Variants in OSBPL5 observed in about 807,000 individuals in gnomAD.
OSBPL5 encodes the protein oxysterol binding protein like 5.
In OSBPL5, 71 loss-of-function variants were observed where a neutral mutation model predicts 111.2. That is an observed-to-expected ratio of 0.64 (90% CI 0.53 to 0.78). The LOEUF (loss-of-function observed/expected upper bound fraction) is 0.78, where lower values mean the gene tolerates loss of function less well. Among genes scored for constraint, OSBPL5 ranks in the 30% least tolerant of loss-of-function variants. The pLI is 0.00. For missense variants in OSBPL5, 1,210 were observed against 1,189.3 expected (o/e 1.02, Z -0.26); for synonymous variants, 549 against 513.9 (o/e 1.07, Z -0.93).
At chr11:3,096,944 G>GGGAAGATGGGAGA (rs1564824361) in intron 14 of OSBPL5, among the ~76,000 whole-genome samples, 3 of 150,172 alleles carry the variant, frequency 2.0e-5, no homozygotes, top group African/African-American at 2.5e-5. Flanking sequence ...AGGAAAGAGG[G>GGGAAGATGGGAGA]AGGAGATGGG....
chr11:3,156,096 G>A (rs1846750522), intron 1 of OSBPL5, among the ~76,000 whole-genome samples: 1 of 152,202 alleles, frequency 6.6e-6, no homozygotes, highest in South Asian at 2.1e-4. Flanking sequence ...TTCCCTCTGG[G>A]ACAAGGGGGA....
At chr11:3,163,839 T>C (rs1847035593) in intron 1 of OSBPL5, 1 of 152,152 alleles carries the variant, frequency 6.6e-6, no homozygotes, top group African/African-American at 2.4e-5. Context: ...GACAATAGGA[T>C]CTGCAGTTCT....
At chr11:3,091,730 A>G (rs1192754948) in intron 19 of OSBPL5, among the ~76,000 whole-genome samples, 1 of 152,170 alleles carries the variant, frequency 6.6e-6, no homozygotes, top group Non-Finnish European at 1.5e-5. Flanking sequence ...CATGCAGCCA[A>G]GGAGATACCG....
rs781199051 is a variant in OSBPL5, at chr11:3,113,305, C to A, written c.692-5360G>T. On this transcript the variant is annotated intron_variant, in intron 7 of 21. Coordinates refer to ENST00000263650, the MANE Select transcript of OSBPL5 (RefSeq NM_020896.4). The surrounding 1 kb of genome is among the most constrained non-coding windows in gnomAD (Gnocchi z 4.8). ...ATTTCATACTTATCCCTGCCAAATA[C>A]CATGAGGTGTCAAAATTTGGCATAG... Among the ~76,000 whole-genome samples the A allele has an allele frequency of 4.6e-5, 7 of 152,064 alleles. No homozygotes were observed. Among genetic ancestry groups the A allele is most frequent in the Non-Finnish European group, 8.8e-5 (6 of 68,038 alleles).
chr11:3,093,284 T>C, intron 17 of OSBPL5: 3 of 751,426 alleles, frequency 4.0e-6, no homozygotes, highest in South Asian at 3.8e-5. Context: ...TGTGCACCTG[T>C]TGGTCACTCG....
intron 3 of OSBPL5, among the ~76,000 whole-genome samples, chr11:3,125,698 G>C (rs532560147): frequency 1.3e-4 from 20 of 152,134 alleles, no homozygotes; most frequent in African/African-American, 4.8e-4. Flanking sequence ...CCAGCTACTC[G>C]GGAGGCTGAG....
chr11:3,117,557 A>T (rs536457476), intron 7 of OSBPL5, among the ~76,000 whole-genome samples: 1 of 152,242 alleles, frequency 6.6e-6, no homozygotes, highest in Non-Finnish European at 1.5e-5. Context: ...CAGTCCTACC[A>T]TAATTTGTCC....
Position 3,126,649 on chromosome 11 carries a change from G to A in OSBPL5, c.137-94C>T. 2 of 1,103,872 alleles carry A rather than the reference G, an allele frequency of 1.8e-6. No individual in the cohort carries two copies. The highest frequency in any genetic ancestry group is 2.6e-6 in the Non-Finnish European group (2 of 779,424). 68.4% of individuals were successfully genotyped at this position (1,103,872 alleles called of 1,614,324 possible). A position where few individuals can be genotyped will look rare whatever the true frequency, so the allele number is the denominator to read the frequency against. On this transcript the variant is annotated intron_variant, in intron 2 of 21. Coordinates refer to ENST00000263650, the MANE Select transcript of OSBPL5 (RefSeq NM_020896.4). This position sits in a 1 kb window ranked among gnomAD's most constrained non-coding sequence, Gnocchi z 6.5. ...GGTGTGAGGCAGGCGAAGCGTGGGT[G>A]CGGATGACCTGGGAGGGGCAGGAAG...
intron 2 of OSBPL5, among the ~76,000 whole-genome samples, chr11:3,127,770 T>C (rs117151681): frequency 3.3e-5 from 5 of 152,072 alleles, no homozygotes; most frequent in Admixed American, 6.5e-5. Context: ...CTCAAAGGGA[T>C]AGGGTGCAGG....
At chr11:3,151,729 G>A (rs1366659977) in intron 1 of OSBPL5, among the ~76,000 whole-genome samples, 1 of 152,266 alleles carries the variant, frequency 6.6e-6, no homozygotes, top group Non-Finnish European at 1.5e-5. Context: ...AATGGTCCAT[G>A]ACTCGGCAGA....
intron 1 of OSBPL5, among the ~76,000 whole-genome samples, chr11:3,152,886 G>A (rs745975595): frequency 6.6e-6 from 1 of 152,120 alleles, no homozygotes; most frequent in African/African-American, 2.4e-5. Flanking sequence ...TTCATGCCTC[G>A]CTGGTACTTC....
In OSBPL5 at chr11:3,104,192, C is replaced by T; in HGVS notation, c.1244+1G>A. ...GGTGCCCCTCCCGGCATGGCGCGCACCTGGAGAGCAGGTCTGCGTGGTAGT... is the reference window on the plus strand; with the variant it reads ...GGTGCCCCTCCCGGCATGGCGCGCATCTGGAGAGCAGGTCTGCGTGGTAGT... On this transcript the variant is annotated splice_donor_variant, in intron 10 of 21. Transcript: ENST00000263650. LOFTEE classifies it high-confidence loss of function. This position sits in a 1 kb window ranked among gnomAD's most constrained non-coding sequence, Gnocchi z 5.0. 6.2e-7 allele frequency: 1 copy of T among 1,603,054 alleles called. No homozygotes were observed. The highest frequency in any genetic ancestry group is 8.5e-7 in the Non-Finnish European group (1 of 1,171,638).
rs371734500 is a variant in OSBPL5 at position 3,089,889 on chromosome 11, C to A, written c.2458G>T (p.Glu820Ter). Residue 820 changes from glutamate (E) to a stop codon, truncating the protein, a stop_gained, in exon 21 of 22, where the codon GAG becomes TAG. Coordinates refer to ENST00000263650, the MANE Select transcript of OSBPL5 (RefSeq NM_020896.4). LOFTEE classifies it high-confidence loss of function. ...KEARRLQALHEAILSIREAQQ... is the reference protein window; with the variant it reads ...KEARRLQALH The stretch of plus-strand genomic sequence containing the variant: ...GCCTCTCGGATGGAGAGGATGGCCT[C>A]GTGCAGGGCCTGCAGCCGCCGCGCC... 3 of 1,565,816 alleles carry A rather than the reference C, an allele frequency of 1.9e-6. No homozygotes were observed. Among genetic ancestry groups the A allele is most frequent in the Non-Finnish European group, 2.6e-6 (3 of 1,155,920 alleles).
At chr11:3,135,708 T>C (rs954951382) in intron 1 of OSBPL5, among the ~76,000 whole-genome samples, 12 of 152,206 alleles carry the variant, frequency 7.9e-5, no homozygotes, top group Admixed American at 7.9e-4. Flanking sequence ...CACCGCCCCG[T>C]GGTGGCAGCG....
chr11:3,112,379 T>C (rs1457421731), intron 7 of OSBPL5, among the ~76,000 whole-genome samples: 1 of 152,158 alleles, frequency 6.6e-6, no homozygotes, highest in Non-Finnish European at 1.5e-5. Context: ...GAGAAACTTG[T>C]TTTTTCTTAT....
intron 1 of OSBPL5, among the ~76,000 whole-genome samples, chr11:3,133,886 C>A (rs1845879452): frequency 6.6e-6 from 1 of 152,202 alleles, no homozygotes; most frequent in Non-Finnish European, 1.5e-5. Flanking sequence ...GGGGCCCCAG[C>A]CCCGAGACCC....
In OSBPL5 at chr11:3,141,794, G is replaced by A. The variant is rs1254753819; in HGVS notation, c.-21-12625C>T. 7.9e-5 allele frequency among the ~76,000 whole-genome samples: 11 copies of A among 138,634 alleles called. No individual in the cohort carries two copies. Among genetic ancestry groups the A allele is most frequent in the East Asian group, 2.1e-4 (1 of 4,724 alleles). The allele number at this position is 138,634 out of a possible 152,430, so 90.9% of individuals were successfully genotyped here. ...CAGTAGGAACACCCACCCCCCACCCGCCTCCCACCCAGTGCAGGGACTGGG... is the reference window on the plus strand; with the variant it reads ...CAGTAGGAACACCCACCCCCCACCCACCTCCCACCCAGTGCAGGGACTGGG... On this transcript the variant is annotated intron_variant, in intron 1 of 21. Coordinates refer to ENST00000263650, the MANE Select transcript of OSBPL5 (RefSeq NM_020896.4). This position sits in a 1 kb window ranked among gnomAD's most constrained non-coding sequence, Gnocchi z 6.5.
rs1336113016 is a variant in OSBPL5 at position 3,139,657 on chromosome 11, T to C, written c.-21-10488A>G. On this transcript the variant is annotated intron_variant, in intron 1 of 21. Transcript: ENST00000263650. Reference sequence around the variant, plus strand: ...CCCGCCCCAGGGAGGCCTTGCTGCCTTGCTCTATGGGGAGGAGTCACTTCC... The same window carrying C: ...CCCGCCCCAGGGAGGCCTTGCTGCCCTGCTCTATGGGGAGGAGTCACTTCC... Among the ~76,000 whole-genome samples the C allele has an allele frequency of 2.0e-5, 3 of 151,872 alleles. 1 individual carries two copies. Among genetic ancestry groups the C allele is most frequent in the South Asian group, 4.1e-4 (2 of 4,826 alleles).
In OSBPL5 at chr11:3,150,300, GC is replaced by G. The variant is rs149037530; in HGVS notation, c.-22+14915del. Among the ~76,000 whole-genome samples, 604 of 152,158 alleles carry G rather than the reference GC, an allele frequency of 4.0e-3. 6 individuals are homozygous for G. Among genetic ancestry groups the G allele is most frequent in the African/African-American group, 0.014 (571 of 41,474 alleles). On this transcript the variant is annotated intron_variant, in intron 1 of 21. Transcript: ENST00000263650. ...TTCTCCCCCTCACTTTTTAAAGACA[GC>G]TTTTTTTAAAAAAAAAGTTTTTTGG...
Sources: allele counts gnomAD v4.1 joint callset (sites outside exome capture counted in the v4.1 genomes callset), GRCh38; gene constraint gnomAD v4.1.1; non-coding constraint Gnocchi (gnomAD v3.1); transcripts MANE v1.5; gene names NCBI Gene and HGNC (gene_info 2026-07-23, HGNC 2026-07-21).